Variants in TLN2 observed in about 807,000 individuals in gnomAD.
TLN2 encodes talin-2.
Under a neutral mutation model 294.7 loss-of-function variants are expected in TLN2, and 118 were observed. The ratio of observed to expected loss-of-function variants is 0.40; its 90% CI spans 0.34 to 0.47. The LOEUF (loss-of-function observed/expected upper bound fraction) is 0.47. Ranked by LOEUF, TLN2 falls within the 20% of genes least tolerant of loss-of-function variation. The pLI is 0.84. For synonymous variants in TLN2, 1,431 were observed against 1,304.5 expected, an observed-to-expected ratio of 1.10 and a Z score of -2.09; for missense variants, 3,083 against 3,282.2, an observed-to-expected ratio of 0.94 and a Z score of 1.48.
chr15:62,719,825 C>G lies in TLN2; in HGVS notation c.2936C>G (p.Ala979Gly). ...GGAGTGAGGGGGAGCCAAGCTCAAG[C>G]TGAAGACCTGAGTGCCCAGCTGGCT... The part of the protein sequence containing the change: ...VQGVRGSQAQ[A>G]EDLSAQLALI... The change falls in exon 25 of 59, where the codon GCT becomes GGT. Residue 979 changes from alanine to glycine, a missense_variant. Physicochemically the swap from Ala to Gly is moderately conservative, Grantham distance 60 (BLOSUM62 0). Coordinates refer to ENST00000636159, the MANE Select transcript of TLN2 (RefSeq NM_015059.3). The G allele has an allele frequency of 6.2e-7, 1 of 1,612,580 alleles. No individual in the cohort carries two copies. Among genetic ancestry groups the G allele is most frequent in the Non-Finnish European group, 8.5e-7 (1 of 1,179,238 alleles).
rs1268975343 is a variant in TLN2, at chr15:62,796,233, T to C, written c.5990T>C (p.Ile1997Thr). ...ATCATTGCCGACCTGGACACCACCATTATGTTTGCAACAGCGGGGACGCTG... is the reference window on the plus strand; with the variant it reads ...ATCATTGCCGACCTGGACACCACCACTATGTTTGCAACAGCGGGGACGCTG... ...SGIIADLDTT[I>T]MFATAGTLNA... The change falls in exon 47 of 59, where the codon ATT becomes ACT. Residue 1997 changes from isoleucine to threonine, a missense_variant. Ile to Thr is a moderately conservative substitution (Grantham distance 89). Transcript: ENST00000636159. The C allele has an allele frequency of 6.2e-7, 1 of 1,614,056 alleles. No homozygotes were observed. Among genetic ancestry groups the C allele is most frequent in the Admixed American group, 1.7e-5 (1 of 60,000 alleles).
Position 62,739,427 on chromosome 15 carries a change from G to A in TLN2, c.3767G>A (p.Gly1256Glu). 6.2e-7 allele frequency: 1 copy of A among 1,614,188 alleles called. No individual in the cohort carries two copies. Among genetic ancestry groups the A allele is most frequent in the Non-Finnish European group, 8.5e-7 (1 of 1,180,030 alleles). Residue 1256 changes from glycine (G) to glutamate (E), a missense_variant, in exon 31 of 59, where the codon GGG becomes GAG. Gly to Glu is a moderately conservative substitution (Grantham distance 98, BLOSUM62 -2). Transcript: ENST00000636159. ...GCAGCTGATCTGAACCAGTCTGCTG[G>A]GGAAGTGGTCCATGCCACCCGGGGC... ...QAAADLNQSA[G>E]EVVHATRGQS...
chr15:62,757,085 T>G (rs1420105088), intron 37 of TLN2, among the ~76,000 whole-genome samples: 1 of 152,228 alleles, frequency 6.6e-6, no homozygotes, highest in African/African-American at 2.4e-5. Flanking sequence ...TTTTGTGCTT[T>G]AGGTATGTTA....
intron 34 of TLN2, 52 bp from the exon 35 acceptor site, chr15:62,752,253 T>G: frequency 1.9e-6 from 3 of 1,602,768 alleles, no homozygotes; most frequent in Non-Finnish European, 2.6e-6. Context: ...CCTTTACCCC[T>G]TGGTTTGAGG....
chr15:62,570,335 C>T (rs115709893), intron 1 of TLN2, among the ~76,000 whole-genome samples: 3,612 of 152,202 alleles, frequency 0.024, 53 homozygotes, highest in Non-Finnish European at 0.029. Context: ...TAAACATGGC[C>T]GTTGGAAAAA....
intron 1 of TLN2, among the ~76,000 whole-genome samples, chr15:62,561,836 C>G (rs1368919966): frequency 1.3e-5 from 2 of 152,086 alleles, no homozygotes; most frequent in Non-Finnish European, 2.9e-5. Flanking sequence ...GTATCCTGCT[C>G]CCTACCCCAC....
At chr15:62,578,846 C>A (rs898723279) in intron 1 of TLN2, among the ~76,000 whole-genome samples, 2 of 152,164 alleles carry the variant, frequency 1.3e-5, no homozygotes, top group Non-Finnish European at 2.9e-5. Context: ...AGCAAGGATG[C>A]CCCTGGCCTT....
At chr15:62,533,065 C>G (rs1205210660) in intron 1 of TLN2, among the ~76,000 whole-genome samples, 2 of 151,656 alleles carry the variant, frequency 1.3e-5, no homozygotes, top group African/African-American at 4.8e-5. Context: ...ACCAGCCTGG[C>G]CAAAGTGGTG....
At chr15:62,726,548 C>G (rs926295353) in intron 27 of TLN2, among the ~76,000 whole-genome samples, 2 of 152,156 alleles carry the variant, frequency 1.3e-5, no homozygotes, top group African/African-American at 4.8e-5. Context: ...ACCACTCCAA[C>G]CCTCTATTTC....
rs1394262661 is a variant in TLN2 at position 62,648,829 on chromosome 15, G to A, written c.137-1255G>A. ...CTCCTAAAGTGCTGGGATTACAGACGTGAGCCACCACGCCTGGACGATTAT... is the reference window on the plus strand; with the variant it reads ...CTCCTAAAGTGCTGGGATTACAGACATGAGCCACCACGCCTGGACGATTAT... On this transcript the variant is annotated intron_variant, in intron 4 of 58. Transcript: ENST00000636159. Among the ~76,000 whole-genome samples the A allele has an allele frequency of 2.0e-4, 30 of 151,982 alleles. 1 individual carries two copies. Among genetic ancestry groups the A allele is most frequent in the Admixed American group, 2.0e-3 (30 of 15,262 alleles).
rs188433260 is a variant in TLN2 at position 62,730,452 on chromosome 15, C to T, written c.3358+3263C>T. ...CATAGTTGCCCTTTCCATCACCCTTCGTTCCTTCTGCGTCTCCAGGAGCTT... is the reference window on the plus strand; with the variant it reads ...CATAGTTGCCCTTTCCATCACCCTTTGTTCCTTCTGCGTCTCCAGGAGCTT... On this transcript the variant is annotated intron_variant, in intron 28 of 58. Transcript: ENST00000636159. Among the ~76,000 whole-genome samples the T allele has an allele frequency of 1.8e-4, 28 of 152,304 alleles. No individual in the cohort carries two copies. The East Asian group carries it at 4.4e-3, about 24-fold the overall frequency.
chr15:62,668,851 ACT>A (rs990114218), intron 9 of TLN2, among the ~76,000 whole-genome samples: 7 of 152,138 alleles, frequency 4.6e-5, no homozygotes, highest in South Asian at 2.1e-4. Context: ...AATTGTAGAA[ACT>A]CTCTCTCAAC....
chr15:62,446,746 G>A (rs1472539423), intron 1 of TLN2, among the ~76,000 whole-genome samples: 1 of 152,122 alleles, frequency 6.6e-6, no homozygotes, highest in Non-Finnish European at 1.5e-5. Flanking sequence ...AATGTATTCA[G>A]TATCTCTACA....
rs552486879 is a variant in TLN2, at chr15:62,775,331, A to G, written c.5368-1433A>G. ...AAAATGTATGAGATGCTCTTTCTGG[A>G]GAGTAGGTCCAAGAGGTATCACCTT... On this transcript the variant is annotated intron_variant, in intron 42 of 58. Transcript: ENST00000636159. Among the ~76,000 whole-genome samples the G allele has an allele frequency of 9.2e-5, 14 of 152,196 alleles. No homozygotes were observed. In the East Asian group the frequency reaches 2.7e-3, roughly 29 times the overall value.
chr15:62,554,582 A>C (rs1036852271), intron 1 of TLN2, among the ~76,000 whole-genome samples: 18 of 152,006 alleles, frequency 1.2e-4, no homozygotes, highest in African/African-American at 4.4e-4. Flanking sequence ...GAAATTGTAA[A>C]GGTTTAGGAT....
intron 1 of TLN2, among the ~76,000 whole-genome samples, chr15:62,568,796 A>G (rs16945305): frequency 0.029 from 4,421 of 152,280 alleles, 225 homozygotes; most frequent in African/African-American, 0.1. Flanking sequence ...AGCTGCTGGA[A>G]GAAGCACCTG....
At chr15:62,572,869 C>G (rs2044013184) in intron 1 of TLN2, among the ~76,000 whole-genome samples, 1 of 152,100 alleles carries the variant, frequency 6.6e-6, no homozygotes, top group South Asian at 2.1e-4. Context: ...TGTTCGCCAC[C>G]CCCTCCTGCT....
At chr15:62,773,701 T>G (rs2063502800) in intron 42 of TLN2, among the ~76,000 whole-genome samples, 1 of 152,140 alleles carries the variant, frequency 6.6e-6, no homozygotes. Flanking sequence ...CGGTGAAAAA[T>G]AGCACAAGCT....
intron 1 of TLN2, among the ~76,000 whole-genome samples, chr15:62,459,592 G>A (rs901771362): frequency 3.3e-5 from 5 of 152,142 alleles, no homozygotes; most frequent in African/African-American, 1.2e-4. Flanking sequence ...GGCAAGTCAA[G>A]TCTGAACTTC....
Sources: gnomAD v4.1 joint callset for allele counts (sites outside exome capture counted in the v4.1 genomes callset) on GRCh38, gnomAD v4.1.1 for gene constraint, MANE v1.5 for transcripts, NCBI Gene and HGNC (gene_info 2026-07-23, HGNC 2026-07-21) for gene names.